ADGRE1: variants seen among roughly 807,000 people sequenced by gnomAD.
The protein encoded by ADGRE1 is adhesion G protein-coupled receptor E1.
Under a neutral mutation model 102.7 loss-of-function variants are expected in ADGRE1, and 82 were observed. The observed-to-expected ratio is 0.80, with a 90% CI of 0.67 to 0.96. ADGRE1 has a LOEUF of 0.96. ADGRE1 is among the 40% of genes least tolerant of loss of function. ADGRE1 has a pLI of 0.00. For missense variants in ADGRE1, 1,032 were observed against 1,085.3 expected, an observed-to-expected ratio of 0.95 and a Z score of 0.69; for synonymous variants, 398 against 399.6, an observed-to-expected ratio of 1.00 and a Z score of 0.05.
chr19:6,922,243 G>A (rs1440932511), intron 14 of ADGRE1, among the ~76,000 whole-genome samples: 3 of 152,072 alleles, frequency 2.0e-5, no homozygotes, highest in Non-Finnish European at 4.4e-5. Context: ...GCTAGAAATT[G>A]GAGCAGGTGG....
chr19:6,934,086 A>G (rs1001979654), intron 17 of ADGRE1, among the ~76,000 whole-genome samples: 3 of 152,026 alleles, frequency 2.0e-5, no homozygotes, highest in African/African-American at 7.2e-5. Context: ...TACCATCATC[A>G]CTCGCGTTGG....
chr19:6,916,109 G>A (rs1212079208), intron 11 of ADGRE1, 140 bp from the exon 12 acceptor site: 2 of 877,390 alleles, frequency 2.3e-6, no homozygotes, highest in Non-Finnish European at 3.4e-6. Context: ...TGGGCCTCAA[G>A]ATCTTTCCTA....
intron 5 of ADGRE1, among the ~76,000 whole-genome samples, chr19:6,899,133 A>G (rs748653981): frequency 3.3e-5 from 5 of 152,166 alleles, no homozygotes; most frequent in African/African-American, 4.8e-5. Flanking sequence ...CTGAGGACCT[A>G]CTATAAGTCA....
Position 6,916,340 on chromosome 19 carries a change from T to C in ADGRE1, c.1392T>C (p.Cys464=), listed in dbSNP as rs1440219174. ...VAKGDKMKIG[C]STIEESESTE... ...AGGGGGATAAGATGAAGATCGGGTG[T>C]TCCACAATTGAGGAATCTGAATCCA... Residue 464 remains cysteine (C), a synonymous_variant, in exon 12 of 21, where the codon TGT becomes TGC. Coordinates refer to ENST00000312053, the MANE Select transcript of ADGRE1 (RefSeq NM_001974.5). 1 of 1,613,652 alleles carries C rather than the reference T, an allele frequency of 6.2e-7. No individual in the cohort carries two copies. The highest frequency in any genetic ancestry group is 1.1e-5 in the South Asian group (1 of 91,034).
chr19:6,918,615 A>T (rs1405514450), intron 12 of ADGRE1, among the ~76,000 whole-genome samples: 2 of 152,364 alleles, frequency 1.3e-5, no homozygotes, highest in Middle Eastern at 3.4e-3. Flanking sequence ...AGACTGAAAC[A>T]GAATAACCAT....
rs773359442 is a variant in ADGRE1, at chr19:6,906,263, C to T, written c.950-170C>T. Among the ~76,000 whole-genome samples the T allele has an allele frequency of 7.2e-5, 11 of 152,282 alleles. 1 individual carries two copies. The highest frequency in any genetic ancestry group is 2.1e-4 in the South Asian group (1 of 4,824). On this transcript the variant is annotated intron_variant, in intron 8 of 20. Transcript: ENST00000312053. The stretch of plus-strand genomic sequence containing the variant: ...AGAAAATTGTGTGTTGTAGTAAACA[C>T]GTCCTTCATGTTGTAGTGTGTAGTT...
chr19:6,929,587 A>G (rs1034774786), intron 17 of ADGRE1, among the ~76,000 whole-genome samples: 2 of 151,684 alleles, frequency 1.3e-5, no homozygotes, highest in South Asian at 2.1e-4. Context: ...CAGTGGTGCA[A>G]TCTCGGCTCA....
At chr19:6,932,787 C>T (rs978571729) in intron 17 of ADGRE1, among the ~76,000 whole-genome samples, 5 of 152,214 alleles carry the variant, frequency 3.3e-5, no homozygotes, top group Admixed American at 2.6e-4. Context: ...CCTTGAAATG[C>T]CAAGTTCTCC....
rs771416208 is a variant in ADGRE1 at position 6,928,168 on chromosome 19, G to C, written c.2246G>C (p.Gly749Ala). The C allele has an allele frequency of 3.8e-5, 61 of 1,613,920 alleles. No homozygotes were observed. The highest frequency in any genetic ancestry group is 4.7e-5 in the Non-Finnish European group (56 of 1,179,974). ...AGCTGCTGGCTGAATACAGAGACAG[G>C]GTTCATCTGGAGTTTCTTGGGGCCA... ...HNRCWLNTET[G>A]FIWSFLGPVC... The change falls in exon 17 of 21, where the codon GGG (glycine) becomes GCG (alanine). Residue 749 changes from glycine (G) to alanine (A), a missense_variant. Coordinates refer to ENST00000312053, the MANE Select transcript of ADGRE1 (RefSeq NM_001974.5).
In ADGRE1 at chr19:6,903,814, T is replaced by C. The variant is rs375680032; in HGVS notation, c.666T>C (p.Ile222=). ...CACCCATTCTGTACCCCACAGATAT[T>C]GATGAATGCACTGAAATGTGCCCCA... ...FQGLKASCED[I]DECTEMCPIN... is the part of the protein sequence containing the mutation. Residue 222 remains isoleucine, a synonymous_variant, in exon 7 of 21, where the codon ATT becomes ATC. Transcript: ENST00000312053. 2 of 1,613,956 alleles carry C rather than the reference T, an allele frequency of 1.2e-6. No individual in the cohort carries two copies. The highest frequency in any genetic ancestry group is 1.3e-5 in the African/African-American group (1 of 74,916).
Position 6,896,437 on chromosome 19 carries a change from C to T in ADGRE1, c.134C>T (p.Ala45Val). The T allele has an allele frequency of 1.2e-6, 2 of 1,614,068 alleles. No individual in the cohort carries two copies. The highest frequency in any genetic ancestry group is 1.7e-6 in the Non-Finnish European group (2 of 1,179,974). Residue 45 changes from alanine (A) to valine (V), a missense_variant, in exon 3 of 21, where the codon GCC (alanine) becomes GTC (valine). Ala to Val is a moderately conservative substitution (Grantham distance 64). Transcript: ENST00000312053. ...GACAGTACCTTGTGCCCAGCTTATG[C>T]CACCTGCACCAATACAGTGGACAGT... The part of the protein sequence containing the change: ...CRDSTLCPAY[A>V]TCTNTVDSYY...
rs768159105 is a variant in ADGRE1 at position 6,903,812 on chromosome 19, A to C, written c.664A>C (p.Ile222Leu). ...CACACCCATTCTGTACCCCACAGAT[A>C]TTGATGAATGCACTGAAATGTGCCC... ...FQGLKASCED[I>L]DECTEMCPIN... Residue 222 changes from isoleucine to leucine, a missense_variant and splice_region_variant, in exon 7 of 21, where the codon ATT becomes CTT. Ile to Leu is a conservative substitution (Grantham distance 5). Transcript: ENST00000312053. 1.9e-6 allele frequency: 3 copies of C among 1,613,952 alleles called. No homozygotes were observed. In the African/African-American group the frequency reaches 4.0e-5, roughly 22 times the overall value.
chr19:6,919,479 TGTTGG>T, intron 12 of ADGRE1, 64 bp from the exon 13 acceptor site: 9 of 956,524 alleles, frequency 9.4e-6, no homozygotes, highest in Non-Finnish European at 1.1e-5. Flanking sequence ...TGTGTGTGTG[TGTTGG>T]GTCTTCTATA....
chr19:6,924,998 GCCTGTAA>G, intron 15 of ADGRE1, 126 bp downstream of exon 15: 1 of 931,838 alleles, frequency 1.1e-6, no homozygotes, highest in Admixed American at 2.5e-5. Context: ...TGTGCCCTCT[GCCTGTAA>G]CACTCACTTC....
chr19:6,933,401 T>A (rs1292594523), intron 17 of ADGRE1, among the ~76,000 whole-genome samples: 1 of 151,740 alleles, frequency 6.6e-6, no homozygotes, highest in South Asian at 2.1e-4. Context: ...TTTTTTTTTT[T>A]TTTGAGACAG....
chr19:6,911,583 A>G (rs1249962434), intron 10 of ADGRE1, among the ~76,000 whole-genome samples: 2 of 151,818 alleles, frequency 1.3e-5, no homozygotes, highest in Admixed American at 6.6e-5. Flanking sequence ...TTTACCTTGT[A>G]AGCATGTACA....
At chr19:6,913,572 ATTC>A in intron 10 of ADGRE1, 78 bp from the exon 11 acceptor site, 1 of 1,346,802 alleles carries the variant, frequency 7.4e-7, no homozygotes, top group Admixed American at 2.5e-5. Context: ...CTCCCAGCCT[ATTC>A]TTAATCAGAA....
chr19:6,920,653 G>A (rs1444074567), intron 13 of ADGRE1, among the ~76,000 whole-genome samples: 1 of 148,786 alleles, frequency 6.7e-6, no homozygotes, highest in Non-Finnish European at 1.5e-5. Flanking sequence ...TGGGATTACG[G>A]GTGCCCACCA....
intron 14 of ADGRE1, 96 bp from the exon 15 acceptor site, chr19:6,924,582 A>G (rs1300672462): frequency 3.7e-6 from 4 of 1,072,312 alleles, no homozygotes; most frequent in Non-Finnish European, 5.5e-6. Context: ...CCCCCAAGCT[A>G]ATTTTGCCCG....
Sources: gnomAD v4.1 joint callset for allele counts (sites outside exome capture counted in the v4.1 genomes callset) on GRCh38, gnomAD v4.1.1 for gene constraint, MANE v1.5 for transcripts, NCBI Gene and HGNC (gene_info 2026-07-23, HGNC 2026-07-21) for gene names.